TCF7: variants seen among roughly 807,000 people sequenced by gnomAD.
TCF7 encodes T-cell-factor-7.
TCF7 carries 19 observed loss-of-function variants against 46.8 expected under a neutral mutation model. That is an observed-to-expected ratio of 0.41 (90% confidence interval 0.28 to 0.60). The LOEUF (loss-of-function observed/expected upper bound fraction) is 0.60, where lower values mean the gene tolerates loss of function less well. Ranked by LOEUF, TCF7 falls within the 20% of genes least tolerant of loss-of-function variation. The pLI is 0.35. For synonymous variants in TCF7, 245 were observed against 213.4 expected, an observed-to-expected ratio of 1.15 and a Z score of -1.29; for missense variants, 547 against 504.6, an observed-to-expected ratio of 1.08 and a Z score of -0.81.
intron 3 of TCF7, among the ~76,000 whole-genome samples, chr5:134,131,745 C>T: frequency 6.6e-6 from 1 of 152,240 alleles, no homozygotes; most frequent in East Asian, 1.9e-4. Context: ...CTGGTGGCAC[C>T]CCAAGCCAGG....
intron 3 of TCF7, 120 bp downstream of exon 3, chr5:134,116,153 T>TTC: frequency 6.9e-7 from 1 of 1,449,176 alleles, no homozygotes; most frequent in East Asian, 2.6e-5. Flanking sequence ...TGCTGGTCTT[T>TTC]TCTCCCATAC....
intron 3 of TCF7, among the ~76,000 whole-genome samples, chr5:134,131,868 G>C (rs191574971): frequency 5.3e-5 from 8 of 152,256 alleles, no homozygotes; most frequent in African/African-American, 1.9e-4. Flanking sequence ...CACCTGGGCC[G>C]GAGGAGCAGG....
chr5:134,139,320 C>G (rs1483966872), intron 5 of TCF7: 1 of 442,398 alleles, frequency 2.3e-6, no homozygotes. Context: ...CAAGAGATCC[C>G]CTTAGATGGG....
chr5:134,143,742 A>C, intron 9 of TCF7, 102 bp downstream of exon 9: 2 of 1,410,162 alleles, frequency 1.4e-6, no homozygotes, highest in Non-Finnish European at 2.0e-6. Flanking sequence ...CCCAGCTAGG[A>C]GCCTTCAGGG....
In TCF7 at chr5:134,142,277, A is replaced by G. The variant is rs773556717; in HGVS notation, c.728A>G (p.Gln243Arg). 5 of 1,599,028 alleles carry G rather than the reference A, an allele frequency of 3.1e-6. No homozygotes were observed. In the East Asian group the frequency reaches 6.7e-5, roughly 22 times the overall value. The part of the protein sequence containing the change: ...HPAIVPPSGK[Q>R]ELQPFDRNLK... ...GCCATTGTGCCCCCCTCAGGGAAGC[A>G]GGAGCTGCAGCCCTTCGACCGCAAC... Residue 243 changes from glutamine to arginine, a missense_variant, in exon 6 of 10, where the codon CAG (glutamine) becomes CGG (arginine). By Grantham distance (43) the Gln-to-Arg change is conservative. Transcript: ENST00000342854.
At chr5:134,126,675 GA>G (rs1757384966) in intron 3 of TCF7, among the ~76,000 whole-genome samples, 1 of 152,168 alleles carries the variant, frequency 6.6e-6, no homozygotes, top group Non-Finnish European at 1.5e-5. Flanking sequence ...AAGGCAGGCG[GA>G]TCACGAGGTC....
upstream of TCF7, among the ~76,000 whole-genome samples, chr5:134,114,376 G>A (rs529983542): frequency 1.3e-5 from 2 of 152,262 alleles, no homozygotes; most frequent in African/African-American, 2.4e-5. Flanking sequence ...CAAGTCCCAA[G>A]GGCCTAGGGG....
intron 2 of TCF7, chr5:134,115,693 G>T (rs1286893694): frequency 1.5e-5 from 22 of 1,427,016 alleles, no homozygotes; most frequent in Non-Finnish European, 1.7e-5. Context: ...GTTGGAGGGC[G>T]GGGGGTGGGA....
At chr5:134,122,605 G>A (rs1022639100) in intron 3 of TCF7, among the ~76,000 whole-genome samples, 2 of 152,154 alleles carry the variant, frequency 1.3e-5, no homozygotes, top group Non-Finnish European at 2.9e-5. Flanking sequence ...GTTTAAAGTC[G>A]CATAACTGCT....
At chr5:134,110,349 A>G (rs181372190), upstream of TCF7, among the ~76,000 whole-genome samples, 57 of 152,302 alleles carry the variant, frequency 3.7e-4, no homozygotes, top group African/African-American at 1.3e-3. Flanking sequence ...TTCCTTATGA[A>G]GAAAGAACTG....
the TCF7 span, among the ~76,000 whole-genome samples, chr5:134,109,419 C>T: frequency 6.6e-6 from 1 of 152,226 alleles, no homozygotes; most frequent in Admixed American, 6.5e-5. Flanking sequence ...TTTGTGACGC[C>T]GCTTGTCTCT....
At chr5:134,119,643 A>G (rs1479563010) in intron 3 of TCF7, among the ~76,000 whole-genome samples, 1 of 152,174 alleles carries the variant, frequency 6.6e-6, no homozygotes, top group African/African-American at 2.4e-5. Context: ...GTCCAGCAGA[A>G]GGAGCCTCAC....
chr5:134,125,808 G>A (rs747582138), intron 3 of TCF7, among the ~76,000 whole-genome samples: 10 of 152,206 alleles, frequency 6.6e-5, no homozygotes, highest in Non-Finnish European at 1.3e-4. Flanking sequence ...CTGCCCGGGA[G>A]ACCCCGGTGT....
At chr5:134,130,788 C>T (rs1002101445) in intron 3 of TCF7, among the ~76,000 whole-genome samples, 1 of 152,150 alleles carries the variant, frequency 6.6e-6, no homozygotes, top group Non-Finnish European at 1.5e-5. Flanking sequence ...TTATTTAGTG[C>T]AGTCACATTT....
intron 3 of TCF7, among the ~76,000 whole-genome samples, chr5:134,124,324 T>G (rs1757034108): frequency 6.6e-6 from 1 of 152,206 alleles, no homozygotes; most frequent in Non-Finnish European, 1.5e-5. Context: ...GTGGCCTGCT[T>G]CTGCTGCTGC....
At chr5:134,132,378 A>G (rs952960228) in intron 3 of TCF7, among the ~76,000 whole-genome samples, 2 of 152,016 alleles carry the variant, frequency 1.3e-5, no homozygotes, top group Admixed American at 6.6e-5. Flanking sequence ...TCATAAATAC[A>G]CCCTGACCAA....
intron 6 of TCF7, 140 bp from the exon 7 acceptor site, chr5:134,142,581 G>T: frequency 8.6e-7 from 1 of 1,166,278 alleles, no homozygotes; most frequent in Non-Finnish European, 1.2e-6. Flanking sequence ...TCACCCATTT[G>T]GGGGCAGCTA....
chr5:134,145,310 T>G (rs1334549651), intron 9 of TCF7: 1 of 538,176 alleles, frequency 1.9e-6, no homozygotes, highest in Non-Finnish European at 3.7e-6. Flanking sequence ...AAAAGCAAGG[T>G]GACAACAACA....
intron 3 of TCF7, among the ~76,000 whole-genome samples, chr5:134,121,579 A>C (rs1449298336): frequency 3.1e-5 from 4 of 129,506 alleles, no homozygotes; most frequent in Middle Eastern, 3.8e-3. Context: ...ACAGAACCAG[A>C]CTCCTCAAAA....
Sources: gnomAD v4.1 joint callset for allele counts (sites outside exome capture counted in the v4.1 genomes callset) on GRCh38, gnomAD v4.1.1 for gene constraint, MANE v1.5 for transcripts, NCBI Gene and HGNC (gene_info 2026-07-23, HGNC 2026-07-21) for gene names.